Variants in LARP1B observed in about 807,000 individuals in gnomAD.
LARP1B encodes the protein la-related protein 1B.
LARP1B carries 76 observed loss-of-function variants against 114.2 expected under a neutral mutation model. That is an observed-to-expected ratio of 0.67 (90% CI 0.55 to 0.81). The LOEUF (loss-of-function observed/expected upper bound fraction) is 0.81. LARP1B is among the 30% of genes least tolerant of loss of function. The pLI, the probability that LARP1B is intolerant of heterozygous loss-of-function variation, is 0.00. For synonymous variants in LARP1B, 345 were observed against 348.0 expected, an observed-to-expected ratio of 0.99 and a Z score of 0.10; for missense variants, 1,014 against 1,075.8, an observed-to-expected ratio of 0.94 and a Z score of 0.80.
intron 11 of LARP1B, among the ~76,000 whole-genome samples, chr4:128,139,064 T>C (rs1029945678): frequency 6.6e-6 from 1 of 152,260 alleles, no homozygotes; most frequent in East Asian, 1.9e-4. Context: ...CATGGATTAA[T>C]TGTACATAAG....
chr4:128,100,601 A>G (rs1779974637), intron 8 of LARP1B, among the ~76,000 whole-genome samples: 1 of 152,024 alleles, frequency 6.6e-6, no homozygotes, highest in Non-Finnish European at 1.5e-5. Flanking sequence ...CATTTCACTA[A>G]TGATTAAAGT....
intron 8 of LARP1B, among the ~76,000 whole-genome samples, chr4:128,105,795 G>A (rs910482652): frequency 2.0e-5 from 3 of 152,116 alleles, no homozygotes; most frequent in Admixed American, 1.3e-4. Flanking sequence ...CGAAGGCTGA[G>A]GCAGAGAATT....
intron 1 of LARP1B, among the ~76,000 whole-genome samples, chr4:128,070,150 C>G (rs977736893): frequency 1.3e-5 from 2 of 151,810 alleles, no homozygotes; most frequent in Non-Finnish European, 2.9e-5. Context: ...AACCCTGTCT[C>G]TACTAAAAAT....
At chr4:128,164,113 T>C (rs554676565) in intron 12 of LARP1B, among the ~76,000 whole-genome samples, 2 of 152,210 alleles carry the variant, frequency 1.3e-5, no homozygotes, top group East Asian at 1.9e-4. Flanking sequence ...TACTTATATA[T>C]AAAAAATCTT....
intron 12 of LARP1B, among the ~76,000 whole-genome samples, chr4:128,167,873 A>G (rs1197716283): frequency 6.6e-6 from 1 of 152,108 alleles, no homozygotes; most frequent in Non-Finnish European, 1.5e-5. Context: ...TATAAATAGA[A>G]TCATATAAAA....
At chr4:128,134,992 T>A (rs547274983) in intron 11 of LARP1B, among the ~76,000 whole-genome samples, 65 of 151,940 alleles carry the variant, frequency 4.3e-4, no homozygotes, top group Non-Finnish European at 9.0e-4. Context: ...ATCCCAGCCA[T>A]TCAGGAGGCT....
At chr4:128,163,127 A>G (rs1219110217) in intron 12 of LARP1B, among the ~76,000 whole-genome samples, 2 of 152,104 alleles carry the variant, frequency 1.3e-5, no homozygotes, top group African/African-American at 4.8e-5. Context: ...AATAGATTGC[A>G]ATAGATTGAT....
intron 13 of LARP1B, among the ~76,000 whole-genome samples, chr4:128,177,486 A>G (rs1258099644): frequency 6.6e-6 from 1 of 152,178 alleles, no homozygotes; most frequent in Non-Finnish European, 1.5e-5. Flanking sequence ...TAAGATTTTC[A>G]TGAACAAATC....
intron 15 of LARP1B, among the ~76,000 whole-genome samples, chr4:128,192,012 A>G (rs1449727567): frequency 6.6e-6 from 1 of 152,138 alleles, no homozygotes. Context: ...CACGGGTACT[A>G]TCAGCCTCAG....
intron 12 of LARP1B, among the ~76,000 whole-genome samples, chr4:128,168,867 T>C (rs552769115): frequency 3.5e-4 from 54 of 152,260 alleles, no homozygotes; most frequent in South Asian, 2.7e-3. Context: ...TTCTTTTGTA[T>C]TTTGGAAGAG....
intron 4 of LARP1B, among the ~76,000 whole-genome samples, 185 bp downstream of exon 4, chr4:128,078,147 G>T (rs1396703655): frequency 6.6e-6 from 1 of 152,052 alleles, no homozygotes; most frequent in Non-Finnish European, 1.5e-5. Context: ...TTTCCTTTTT[G>T]TATGTAACTT....
chr4:128,210,524 T>TA lies in LARP1B; in HGVS notation c.*472dup. The TA allele has an allele frequency of 2.0e-6, 2 of 982,264 alleles. No individual in the cohort carries two copies. The highest frequency in any genetic ancestry group is 2.4e-6 in the Non-Finnish European group (2 of 826,086). The allele number at this position is 982,264 out of a possible 1,614,324, so 60.8% of individuals were successfully genotyped here. A position where few individuals can be genotyped will look rare whatever the true frequency, so the allele number is the denominator to read the frequency against. ...CCCACTGTCAATTCATATTTGAACT[T>TA]ACCAAAACAAAGGAGGATTACGTAT... is the stretch of plus-strand genomic sequence containing the variant. On this transcript the variant is annotated 3_prime_UTR_variant, in exon 20 of 20. Transcript: ENST00000326639.
chr4:128,157,047 GA>G (rs1045747177), intron 11 of LARP1B, among the ~76,000 whole-genome samples: 1 of 151,074 alleles, frequency 6.6e-6, no homozygotes, highest in Non-Finnish European at 1.5e-5. Flanking sequence ...TGATATGATA[GA>G]AAAAAAACAA....
chr4:128,061,016 G>T (rs1328088448), upstream of LARP1B, among the ~76,000 whole-genome samples: 1 of 152,080 alleles, frequency 6.6e-6, no homozygotes, highest in South Asian at 2.1e-4. Flanking sequence ...GGGGCAGGCC[G>T]CGAGCCAGCC....
At chr4:128,209,833 G>C in intron 19 of LARP1B, 23 bp from the exon 20 acceptor site, 4 of 1,593,074 alleles carry the variant, frequency 2.5e-6, no homozygotes, top group Non-Finnish European at 3.4e-6. Context: ...ATTGTCAACG[G>C]TGTTGCCTTT....
At chr4:128,156,144 C>A (rs575040812) in intron 11 of LARP1B, 27 of 1,610,224 alleles carry the variant, frequency 1.7e-5, no homozygotes, top group South Asian at 1.3e-4. Flanking sequence ...ACAAGAGTAG[C>A]AGCAGCAGCG....
chr4:128,210,869 C>T lies in LARP1B; in HGVS notation c.*816C>T, dbSNP rs1758859893. The T allele has an allele frequency of 2.0e-6, 2 of 984,220 alleles. No individual in the cohort carries two copies. The highest frequency in any genetic ancestry group is 2.4e-6 in the Non-Finnish European group (2 of 829,008). 61.0% of individuals were successfully genotyped at this position (984,220 alleles called of 1,614,324 possible). ...GCATTGGGATTGATTGGAATATTGT[C>T]CTAAATTAATTAAATCTTGCACTGT... On this transcript the variant is annotated 3_prime_UTR_variant, in exon 20 of 20. Coordinates refer to ENST00000326639, the MANE Select transcript of LARP1B (RefSeq NM_018078.4).
intron 5 of LARP1B, among the ~76,000 whole-genome samples, chr4:128,088,807 G>C (rs148737863): frequency 1.3e-3 from 194 of 151,232 alleles, no homozygotes; most frequent in African/African-American, 4.6e-3. Flanking sequence ...AGGCAGAAAT[G>C]TTTGAAAAAG....
intron 11 of LARP1B, among the ~76,000 whole-genome samples, chr4:128,145,625 A>G (rs1730010349): frequency 6.6e-6 from 1 of 152,156 alleles, no homozygotes; most frequent in South Asian, 2.1e-4. Flanking sequence ...CAACTGTACT[A>G]AACTCTAAAG....
Sources: allele counts gnomAD v4.1 joint callset (sites outside exome capture counted in the v4.1 genomes callset), GRCh38; gene constraint gnomAD v4.1.1; transcripts MANE v1.5; gene names NCBI Gene and HGNC (gene_info 2026-07-23, HGNC 2026-07-21).